The following GPHN variants were observed in gnomAD, a reference collection of about 807,000 sequenced individuals.
The protein encoded by GPHN is gephyrin.
In GPHN, 17 loss-of-function variants were observed where a neutral mutation model predicts 95.5. That is an observed-to-expected ratio of 0.18 (90% CI 0.12 to 0.27). GPHN has a LOEUF of 0.27. Ranked by LOEUF, GPHN falls within the 10% of genes least tolerant of loss-of-function variation. The pLI, the probability that GPHN is intolerant of heterozygous loss-of-function variation, is 1.00. For synonymous variants in GPHN, 320 were observed against 322.5 expected, an observed-to-expected ratio of 0.99 and a Z score of 0.08; for missense variants, 660 against 978.1, an observed-to-expected ratio of 0.67 and a Z score of 4.34.
intron 1 of GPHN, among the ~76,000 whole-genome samples, chr14:66,563,352 A>C (rs2060342298): frequency 6.6e-6 from 1 of 152,102 alleles, no homozygotes. Context: ...TATGTACCTG[A>C]TTCTTTTTTG....
chr14:67,654,601 G>A, the GPHN span, among the ~76,000 whole-genome samples: 1 of 152,152 alleles, frequency 6.6e-6, no homozygotes, highest in Non-Finnish European at 1.5e-5. Flanking sequence ...GAGAACTGAA[G>A]CTATTAAGAA....
the GPHN span, among the ~76,000 whole-genome samples, chr14:67,458,744 C>T: frequency 6.6e-6 from 1 of 152,140 alleles, no homozygotes; most frequent in African/African-American, 2.4e-5. Flanking sequence ...TGGTTTGAGG[C>T]AGGGTCTCAC....
chr14:66,661,713 C>T (rs2065663204), intron 1 of GPHN, among the ~76,000 whole-genome samples: 1 of 152,166 alleles, frequency 6.6e-6, no homozygotes, highest in Non-Finnish European at 1.5e-5. Flanking sequence ...GACCCTCCAG[C>T]CACCCTCACT....
chr14:67,328,437 A>C, the GPHN span, among the ~76,000 whole-genome samples: 1 of 152,110 alleles, frequency 6.6e-6, no homozygotes, highest in Non-Finnish European at 1.5e-5. Context: ...TAGGTTGCCT[A>C]TTCACTCTGA....
the GPHN span, among the ~76,000 whole-genome samples, chr14:67,475,403 T>G: frequency 5.9e-5 from 9 of 152,180 alleles, no homozygotes; most frequent in Admixed American, 5.9e-4. Context: ...CAAGTACATA[T>G]GCAGAAGTGG....
chr14:67,581,952 A>C, the GPHN span: 10 of 1,020,352 alleles, frequency 9.8e-6, no homozygotes, highest in South Asian at 1.5e-4. Flanking sequence ...ATAGGCTCAT[A>C]AATAGTGGGA....
chr14:67,378,300 T>C, the GPHN span, among the ~76,000 whole-genome samples: 1 of 151,136 alleles, frequency 6.6e-6, no homozygotes, highest in African/African-American at 2.4e-5. Context: ...CCCTTCAAGT[T>C]TATTCTCATG....
At chr14:66,931,357 C>G (rs993078533) in intron 8 of GPHN, among the ~76,000 whole-genome samples, 13 of 152,112 alleles carry the variant, frequency 8.5e-5, no homozygotes, top group Non-Finnish European at 1.8e-4. Context: ...GCTTAGTGTT[C>G]TGTAGCCTTC....
intron 10 of GPHN, among the ~76,000 whole-genome samples, chr14:67,045,068 T>C (rs1209198023): frequency 6.6e-6 from 1 of 152,082 alleles, no homozygotes; most frequent in Non-Finnish European, 1.5e-5. Context: ...AACCCTAAAA[T>C]CTGGGTTTGC....
chr14:67,224,465 T>C, the GPHN span, among the ~76,000 whole-genome samples: 1 of 152,034 alleles, frequency 6.6e-6, no homozygotes, highest in East Asian at 1.9e-4. Flanking sequence ...TTTCATTGTG[T>C]TAGCCAGGAT....
chr14:66,920,814 G>A (rs2066178327), intron 6 of GPHN, among the ~76,000 whole-genome samples: 2 of 151,914 alleles, frequency 1.3e-5, no homozygotes, highest in Admixed American at 1.3e-4. Context: ...CGTCCTCATA[G>A]CTTAGCTCCC....
intron 1 of GPHN, among the ~76,000 whole-genome samples, chr14:66,606,728 A>G (rs1476212348): frequency 2.6e-5 from 4 of 151,924 alleles, no homozygotes; most frequent in Non-Finnish European, 5.9e-5. Flanking sequence ...GCTATTGGAA[A>G]TTGGTGTGTG....
the GPHN span, chr14:67,592,450 A>G: frequency 7.1e-5 from 40 of 561,002 alleles, no homozygotes; most frequent in Middle Eastern, 1.4e-3. Context: ...AAATAAAATA[A>G]AATGTGCATG....
intron 1 of GPHN, among the ~76,000 whole-genome samples, chr14:66,648,215 G>T (rs2064855999): frequency 1.3e-5 from 2 of 151,932 alleles, no homozygotes; most frequent in African/African-American, 4.8e-5. Flanking sequence ...ACGTATTCAG[G>T]AAAAAATTTT....
At chr14:67,142,838 A>C (rs1208979260) in intron 17 of GPHN, among the ~76,000 whole-genome samples, 1 of 152,170 alleles carries the variant, frequency 6.6e-6, no homozygotes, top group African/African-American at 2.4e-5. Context: ...CCATTATTCC[A>C]AGCCTTTGCT....
chr14:67,336,770 C>G, the GPHN span: 4 of 455,596 alleles, frequency 8.8e-6, no homozygotes, highest in South Asian at 6.2e-5. Flanking sequence ...AAACAGTTAC[C>G]TATTTTTAAA....
chr14:67,545,560 G>C, the GPHN span, among the ~76,000 whole-genome samples: 1 of 152,128 alleles, frequency 6.6e-6, no homozygotes. Flanking sequence ...AAACAGAAAG[G>C]ACAAATGAAG....
At chr14:67,301,335 G>A in the GPHN span, 1 of 1,152,400 alleles carries the variant, frequency 8.7e-7, no homozygotes, top group Non-Finnish European at 1.3e-6. Context: ...GCATACAGGT[G>A]CTACTGATAC....
At chr14:66,754,256 T>G (rs910092648) in intron 2 of GPHN, among the ~76,000 whole-genome samples, 1 of 152,210 alleles carries the variant, frequency 6.6e-6, no homozygotes. Flanking sequence ...ATATGGTGAC[T>G]CTGTCTTCAG....
Sources: gnomAD v4.1 joint callset for allele counts (sites outside exome capture counted in the v4.1 genomes callset) on GRCh38, gnomAD v4.1.1 for gene constraint, MANE v1.5 for transcripts, NCBI Gene and HGNC (gene_info 2026-07-23, HGNC 2026-07-21) for gene names.